The following NTRK2 variants were observed in gnomAD, a reference collection of about 807,000 sequenced individuals.
NTRK2 encodes the protein BDNF/NT-3 growth factors receptor.
In NTRK2, 13 loss-of-function variants were observed where a neutral mutation model predicts 94.5. That is an observed-to-expected ratio of 0.14 (90% confidence interval 0.09 to 0.22). The LOEUF is 0.22. Among genes scored for constraint, NTRK2 ranks in the 10% least tolerant of loss-of-function variants. The pLI, the probability that NTRK2 is intolerant of heterozygous loss-of-function variation, is 1.00. For synonymous variants in NTRK2, 372 were observed against 407.4 expected (o/e 0.91, Z 1.05); for missense variants, 639 against 1,071.2 (o/e 0.60, Z 5.63).
chr9:84,945,465 G>A (rs2078568019), intron 15 of NTRK2, among the ~76,000 whole-genome samples: 1 of 152,080 alleles, frequency 6.6e-6, no homozygotes, highest in Non-Finnish European at 1.5e-5. Flanking sequence ...CCAGGAGAAG[G>A]ACCCAGCAGA....
chr9:84,715,920 C>T (rs2061684740), intron 6 of NTRK2, among the ~76,000 whole-genome samples: 1 of 152,108 alleles, frequency 6.6e-6, no homozygotes, highest in Non-Finnish European at 1.5e-5. Flanking sequence ...TTAAAAAATA[C>T]TATCATTATT....
intron 14 of NTRK2, chr9:84,876,753 A>G: frequency 1.9e-6 from 2 of 1,061,498 alleles, no homozygotes; most frequent in Non-Finnish European, 2.3e-6. Context: ...TGATATCTAC[A>G]GAAACAATTA....
At chr9:84,958,516 G>A (rs1043911957) in intron 17 of NTRK2, among the ~76,000 whole-genome samples, 1 of 152,178 alleles carries the variant, frequency 6.6e-6, no homozygotes, top group African/African-American at 2.4e-5. Context: ...CTTGGAACTG[G>A]CTGAGTCACT....
At chr9:84,934,437 T>C in intron 15 of NTRK2, 145 bp downstream of exon 15, 1 of 904,760 alleles carries the variant, frequency 1.1e-6, no homozygotes, top group Non-Finnish European at 1.7e-6. Context: ...TTAAACTAAA[T>C]GGACAGTGGA....
chr9:84,823,776 G>A (rs759989482), intron 12 of NTRK2, among the ~76,000 whole-genome samples: 4 of 152,096 alleles, frequency 2.6e-5, no homozygotes, highest in Non-Finnish European at 4.4e-5. Context: ...ATTTTTTAAG[G>A]TCTCTATGAG....
intron 17 of NTRK2, among the ~76,000 whole-genome samples, chr9:84,959,252 C>T (rs1454070384): frequency 3.9e-5 from 6 of 152,290 alleles, no homozygotes; most frequent in South Asian, 2.1e-4. Flanking sequence ...TTCTTTCCAT[C>T]GCAGTAATGG....
chr9:84,895,920 C>T (rs2076745446), intron 14 of NTRK2, among the ~76,000 whole-genome samples: 1 of 152,202 alleles, frequency 6.6e-6, no homozygotes, highest in Non-Finnish European at 1.5e-5. Context: ...TGGGGCATTC[C>T]TCCATATTAT....
intron 14 of NTRK2, among the ~76,000 whole-genome samples, chr9:84,917,594 A>G (rs1268245370): frequency 6.6e-6 from 1 of 152,192 alleles, no homozygotes; most frequent in Non-Finnish European, 1.5e-5. Context: ...TACTGGTTGT[A>G]TAATTGCTGT....
chr9:84,833,130 A>T (rs930394095), intron 12 of NTRK2, among the ~76,000 whole-genome samples: 1 of 85,482 alleles, frequency 1.2e-5, no homozygotes, highest in East Asian at 3.3e-4. Flanking sequence ...GTGGGTAGGG[A>T]GGGCAAGAGA....
chr9:84,864,127 G>A (rs752219618), intron 13 of NTRK2, among the ~76,000 whole-genome samples: 2 of 152,152 alleles, frequency 1.3e-5, no homozygotes, highest in Non-Finnish European at 2.9e-5. Flanking sequence ...CTAGGTATCA[G>A]CCTCCTCAAA....
intron 14 of NTRK2, among the ~76,000 whole-genome samples, chr9:84,922,049 T>C (rs1360399397): frequency 6.6e-6 from 1 of 151,988 alleles, no homozygotes; most frequent in African/African-American, 2.4e-5. Context: ...AATTCAGGGG[T>C]TGTGTGTGTG....
chr9:84,997,752 T>C (rs1829916197), intron 17 of NTRK2, among the ~76,000 whole-genome samples: 1 of 152,084 alleles, frequency 6.6e-6, no homozygotes, highest in African/African-American at 2.4e-5. Context: ...GCTGCTTAAG[T>C]AATGCTGGGT....
intron 12 of NTRK2, among the ~76,000 whole-genome samples, chr9:84,819,897 A>G (rs2072679035): frequency 6.6e-6 from 1 of 152,030 alleles, no homozygotes; most frequent in Admixed American, 6.5e-5. Flanking sequence ...GCCCTACAAT[A>G]TATCTCTTCA....
At chr9:84,877,989 A>G in intron 14 of NTRK2, 1 of 980,072 alleles carries the variant, frequency 1.0e-6, no homozygotes, top group Non-Finnish European at 1.2e-6. Flanking sequence ...TCCTCAAGGC[A>G]CCACGAACAG....
chr9:84,876,110 C>A (rs192573051), intron 14 of NTRK2: 99 of 1,036,356 alleles, frequency 9.6e-5, no homozygotes, highest in Admixed American at 6.2e-4. Context: ...TTTAACCATG[C>A]CATTGAACTT....
At chr9:84,900,922 C>T (rs1048394969) in intron 14 of NTRK2, among the ~76,000 whole-genome samples, 1 of 151,978 alleles carries the variant, frequency 6.6e-6, no homozygotes, top group Admixed American at 6.6e-5. Context: ...ACATATTGAT[C>T]AAAAAACAAA....
chr9:85,000,246 A>G (rs560383225), intron 17 of NTRK2, among the ~76,000 whole-genome samples: 5 of 152,190 alleles, frequency 3.3e-5, no homozygotes, highest in East Asian at 1.9e-4. Context: ...CTGACACATC[A>G]TTATCACCCA....
At chr9:84,818,808 G>C (rs2072593508) in intron 12 of NTRK2, among the ~76,000 whole-genome samples, 1 of 152,154 alleles carries the variant, frequency 6.6e-6, no homozygotes, top group Non-Finnish European at 1.5e-5. Flanking sequence ...GGGGTGTGGA[G>C]GACACGTCCT....
chr9:84,934,343 G>T (rs1261545316), intron 15 of NTRK2, 51 bp downstream of exon 15: 2 of 1,603,740 alleles, frequency 1.2e-6, no homozygotes, highest in Non-Finnish European at 1.7e-6. Context: ...ACTTACGTGT[G>T]GAAATTTAAC....
Sources: allele counts gnomAD v4.1 joint callset (sites outside exome capture counted in the v4.1 genomes callset), GRCh38; gene constraint gnomAD v4.1.1; transcripts MANE v1.5; gene names NCBI Gene and HGNC (gene_info 2026-07-23, HGNC 2026-07-21).